TBC1D22A: variants seen among roughly 807,000 people sequenced by gnomAD.
TBC1D22A encodes putative GTPase activator.
In TBC1D22A, 38 loss-of-function variants were observed where a neutral mutation model predicts 60.2. That is an observed-to-expected ratio of 0.63 (90% CI 0.49 to 0.83). The LOEUF is 0.83. Ranked by LOEUF, TBC1D22A falls within the 40% of genes least tolerant of loss-of-function variation. TBC1D22A has a pLI of 0.00. For synonymous variants in TBC1D22A, 302 were observed against 281.7 expected (o/e 1.07, Z -0.72); for missense variants, 628 against 701.0 (o/e 0.90, Z 1.18).
chr22:46,813,148 C>G (rs145201214), intron 4 of TBC1D22A, among the ~76,000 whole-genome samples: 1 of 152,224 alleles, frequency 6.6e-6, no homozygotes, highest in Non-Finnish European at 1.5e-5. Flanking sequence ...AAAGTACACT[C>G]TTTTCTTCCA....
chr22:47,025,018 CAA>C (rs1216318063), intron 10 of TBC1D22A, among the ~76,000 whole-genome samples: 3 of 152,136 alleles, frequency 2.0e-5, no homozygotes, highest in African/African-American at 7.2e-5. Flanking sequence ...TATCAAGTAT[CAA>C]GAGGATCATT....
chr22:46,865,724 G>T (rs1378832422), intron 4 of TBC1D22A, among the ~76,000 whole-genome samples: 5 of 152,230 alleles, frequency 3.3e-5, no homozygotes, highest in African/African-American at 4.8e-5. Flanking sequence ...CCAAGGGCCG[G>T]TTCCCCCAAT....
chr22:46,812,329 C>A (rs139576), intron 4 of TBC1D22A, among the ~76,000 whole-genome samples: 69,756 of 151,980 alleles, frequency 0.46, 16,689 homozygotes, highest in African/African-American at 0.61. Flanking sequence ...TTCTCTGCAC[C>A]CCCTGTGGGC....
chr22:46,964,371 G>T (rs1183607192), intron 8 of TBC1D22A, among the ~76,000 whole-genome samples: 1 of 152,204 alleles, frequency 6.6e-6, no homozygotes, highest in African/African-American at 2.4e-5. Context: ...CAGATGACCT[G>T]CAGAGCATGC....
chr22:47,163,159 G>A (rs755331793), intron 12 of TBC1D22A, among the ~76,000 whole-genome samples: 9 of 148,724 alleles, frequency 6.1e-5, no homozygotes, highest in Non-Finnish European at 1.0e-4. Context: ...CTGCCCCCCC[G>A]CCCGGCCCCT....
intron 11 of TBC1D22A, among the ~76,000 whole-genome samples, chr22:47,077,183 C>T (rs536404208): frequency 1.4e-4 from 21 of 152,298 alleles, no homozygotes; most frequent in African/African-American, 3.6e-4. Flanking sequence ...AGTATTTGGT[C>T]GGAAGCTGGC....
In TBC1D22A at chr22:46,883,522, A is replaced by G. The variant is rs749460139; in HGVS notation, c.708+4799A>G. 3.3e-5 allele frequency among the ~76,000 whole-genome samples: 5 copies of G among 152,278 alleles called. No homozygotes were observed. In the East Asian group the frequency reaches 5.8e-4, roughly 18 times the overall value. The stretch of plus-strand genomic sequence containing the variant: ...CACGTGTAGGGTTTTTATTGCCTGC[A>G]TTCCGATGATGACGTGCTTGCCTTT... On this transcript the variant is annotated intron_variant, in intron 5 of 12. Transcript: ENST00000337137.
At chr22:46,898,525 G>T (rs1197450568) in intron 7 of TBC1D22A, among the ~76,000 whole-genome samples, 3 of 101,818 alleles carry the variant, frequency 2.9e-5, no homozygotes, top group Non-Finnish European at 4.5e-5. Context: ...CTGGCTCAGT[G>T]AATCTGCATT....
At chr22:46,911,290 T>A (rs1337983553) in intron 7 of TBC1D22A, among the ~76,000 whole-genome samples, 1 of 152,174 alleles carries the variant, frequency 6.6e-6, no homozygotes, top group African/African-American at 2.4e-5. Context: ...TGAGATTTCG[T>A]AAGTGATGGA....
intron 10 of TBC1D22A, among the ~76,000 whole-genome samples, chr22:46,998,668 C>G (rs1029776673): frequency 2.0e-5 from 3 of 152,228 alleles, no homozygotes; most frequent in African/African-American, 7.2e-5. Flanking sequence ...GAGTGATATT[C>G]TAAAATGGAC....
rs1473215939 is a variant in TBC1D22A, at chr22:47,173,684, G to A, written c.*58G>A. The A allele has an allele frequency of 1.2e-6, 2 of 1,606,658 alleles. No homozygotes were observed. The highest frequency in any genetic ancestry group is 1.7e-6 in the Non-Finnish European group (2 of 1,175,896). ...CCGGGTGGCGCGCCCCACCTGCCTG[G>A]CTGGTGGTAGGCCCCTGTGAGCTGG... On this transcript the variant is annotated 3_prime_UTR_variant, in exon 13 of 13. Coordinates refer to ENST00000337137, the MANE Select transcript of TBC1D22A (RefSeq NM_014346.5).
intron 1 of TBC1D22A, among the ~76,000 whole-genome samples, chr22:46,786,052 GA>G (rs2084146641): frequency 6.6e-6 from 1 of 152,302 alleles, no homozygotes; most frequent in South Asian, 2.1e-4. Flanking sequence ...CAAAGTGCTG[GA>G]TTACAGGCAT....
rs7286946 is a variant in TBC1D22A, at chr22:46,880,036, C to T, written c.708+1313C>T. On this transcript the variant is annotated intron_variant, in intron 5 of 12. Transcript: ENST00000337137. ...GTGGAGTCTGACCCAGGAACCCCGG[C>T]GAGGCAAGTGAGAGTGTGAACCCAG... Among the ~76,000 whole-genome samples, 1,216 of 152,230 alleles carry T rather than the reference C, an allele frequency of 8.0e-3. 16 individuals are homozygous for T. The highest frequency in any genetic ancestry group is 0.028 in the African/African-American group (1,177 of 41,534).
intron 11 of TBC1D22A, among the ~76,000 whole-genome samples, chr22:47,089,599 G>C (rs1020630465): frequency 1.3e-5 from 2 of 152,246 alleles, no homozygotes; most frequent in Admixed American, 1.3e-4. Context: ...GGCAGGGTGG[G>C]AGGTGTCACT....
chr22:47,041,239 C>T (rs1281740152), intron 11 of TBC1D22A, among the ~76,000 whole-genome samples: 1 of 152,190 alleles, frequency 6.6e-6, no homozygotes, highest in Non-Finnish European at 1.5e-5. Flanking sequence ...ACCCATATCC[C>T]AAAGTGTATC....
intron 11 of TBC1D22A, among the ~76,000 whole-genome samples, chr22:47,048,377 T>G (rs1424513410): frequency 1.3e-5 from 2 of 152,006 alleles, no homozygotes; most frequent in Non-Finnish European, 2.9e-5. Context: ...CGCGTCACCT[T>G]CCAGGACAGG....
intron 8 of TBC1D22A, among the ~76,000 whole-genome samples, chr22:46,919,016 A>G (rs1326148656): frequency 6.6e-6 from 1 of 152,234 alleles, no homozygotes; most frequent in Non-Finnish European, 1.5e-5. Flanking sequence ...TTTAGAAACC[A>G]TAACGTTTAC....
intron 10 of TBC1D22A, among the ~76,000 whole-genome samples, chr22:47,030,237 G>A (rs2062423320): frequency 6.6e-6 from 1 of 152,200 alleles, no homozygotes; most frequent in Non-Finnish European, 1.5e-5. Context: ...TCGGCTTTGT[G>A]CGGGGGGTTG....
At chr22:46,857,637 A>G (rs973789132) in intron 4 of TBC1D22A, among the ~76,000 whole-genome samples, 1 of 152,002 alleles carries the variant, frequency 6.6e-6, no homozygotes, top group African/African-American at 2.4e-5. Flanking sequence ...TCCTGTACCC[A>G]TTAGTAGTCG....
Sources: gnomAD v4.1 joint callset for allele counts (sites outside exome capture counted in the v4.1 genomes callset) on GRCh38, gnomAD v4.1.1 for gene constraint, MANE v1.5 for transcripts, NCBI Gene and HGNC (gene_info 2026-07-23, HGNC 2026-07-21) for gene names.